The following TRPC7 variants were observed in gnomAD, a reference collection of about 807,000 sequenced individuals.
TRPC7 encodes the protein short transient receptor potential channel 7.
TRPC7 carries 42 observed loss-of-function variants against 90.1 expected under a neutral mutation model. The observed-to-expected ratio is 0.47, with a 90% CI of 0.36 to 0.60. TRPC7 has a LOEUF of 0.60. TRPC7 is among the 20% of genes least tolerant of loss of function. The pLI is 0.00. For missense variants in TRPC7, 955 were observed against 1,112.3 expected (o/e 0.86, Z 2.01); for synonymous variants, 451 against 436.3 (o/e 1.03, Z -0.42).
chr5:136,345,100 T>C (rs952748537), intron 2 of TRPC7, among the ~76,000 whole-genome samples: 1 of 152,154 alleles, frequency 6.6e-6, no homozygotes, highest in African/African-American at 2.4e-5. Flanking sequence ...ATACATTAAA[T>C]ATATCAAAAA....
At chr5:136,264,562 A>G (rs1464796461) in intron 5 of TRPC7, among the ~76,000 whole-genome samples, 2 of 151,368 alleles carry the variant, frequency 1.3e-5, no homozygotes, top group African/African-American at 4.9e-5. Context: ...GTACTAAATG[A>G]GCCTTTGGTC....
At chr5:136,290,009 G>A (rs182294251) in intron 3 of TRPC7, among the ~76,000 whole-genome samples, 13 of 152,308 alleles carry the variant, frequency 8.5e-5, no homozygotes, top group South Asian at 2.1e-4. Flanking sequence ...TGCAGCCACC[G>A]CTGCTGATAC....
chr5:136,362,574 T>C (rs896586328), intron 1 of TRPC7, among the ~76,000 whole-genome samples: 12 of 152,158 alleles, frequency 7.9e-5, no homozygotes, highest in Non-Finnish European at 1.8e-4. Flanking sequence ...GTTTAGGTGC[T>C]ATTGTCATTC....
intron 5 of TRPC7, among the ~76,000 whole-genome samples, chr5:136,257,081 G>C (rs112192340): frequency 6.6e-6 from 1 of 152,064 alleles, no homozygotes; most frequent in Non-Finnish European, 1.5e-5. Flanking sequence ...GAGCTGATCA[G>C]TTTTACTTGT....
In TRPC7 at chr5:136,226,162, C is replaced by A. The variant is rs1312855636; in HGVS notation, c.2134G>T (p.Val712Leu). Residue 712 changes from valine (V) to leucine (L), a missense_variant, in exon 9 of 12, where the codon GTG becomes TTG. Val to Leu is a conservative substitution (Grantham distance 32, BLOSUM62 1). Around this residue, in one of 4 missense-constraint regions of TRPC7, gnomAD observed 296 missense variants for 422.7 expected, o/e 0.70. Transcript: ENST00000513104. ...TAATAAAATGATTTAGGACTTGGCA[C>A]TAGATTAAAAGGAGCAGGTAGAGTT... ...GRTLPAPFNL[V>L]PSPKSFYYLI... The A allele has an allele frequency of 2.6e-6, 4 of 1,565,852 alleles. No homozygotes were observed. In the Middle Eastern group the frequency reaches 5.0e-4, roughly 195 times the overall value.
intron 7 of TRPC7, among the ~76,000 whole-genome samples, chr5:136,244,849 C>A (rs1174249857): frequency 6.6e-6 from 1 of 152,190 alleles, no homozygotes; most frequent in East Asian, 1.9e-4. Flanking sequence ...TGTGCTTGGC[C>A]TGTGCTGGTG....
chr5:136,310,614 A>G (rs1011666651), intron 3 of TRPC7, among the ~76,000 whole-genome samples: 7 of 152,160 alleles, frequency 4.6e-5, no homozygotes, highest in Non-Finnish European at 1.0e-4. Flanking sequence ...GATGGCTGGC[A>G]CCAAGAGCAG....
chr5:136,324,334 A>G (rs1376338649), intron 2 of TRPC7, among the ~76,000 whole-genome samples: 2 of 152,188 alleles, frequency 1.3e-5, no homozygotes, highest in East Asian at 3.9e-4. Flanking sequence ...TTGAAGATTG[A>G]TAAGTTTTTC....
Position 136,212,972 on chromosome 5 carries a change from C to T in TRPC7, c.*463G>A, listed in dbSNP as rs185858568. On this transcript the variant is annotated 3_prime_UTR_variant, in exon 12 of 12. Transcript: ENST00000513104. ...TCATCTGGCACTTAAGAATAGATCACAGGTCACCTCCTGGTTCTGTTTGGA... is the reference window on the plus strand; with the variant it reads ...TCATCTGGCACTTAAGAATAGATCATAGGTCACCTCCTGGTTCTGTTTGGA... Among the ~76,000 whole-genome samples, 33 of 152,244 alleles carry T rather than the reference C, an allele frequency of 2.2e-4. No individual in the cohort carries two copies. Among genetic ancestry groups the T allele is most frequent in the Admixed American group, 5.2e-4 (8 of 15,300 alleles).
intron 5 of TRPC7, among the ~76,000 whole-genome samples, chr5:136,262,023 C>T (rs768325934): frequency 1.3e-5 from 2 of 152,190 alleles, no homozygotes; most frequent in South Asian, 4.1e-4. Context: ...CTCTCTTTCT[C>T]TCACATCCCA....
intron 2 of TRPC7, among the ~76,000 whole-genome samples, chr5:136,338,980 G>T (rs1055839407): frequency 6.6e-6 from 1 of 152,024 alleles, no homozygotes; most frequent in Non-Finnish European, 1.5e-5. Context: ...TGAAAAATAC[G>T]TATCTGGGGT....
intron 4 of TRPC7, among the ~76,000 whole-genome samples, chr5:136,272,156 T>C (rs1015679984): frequency 1.3e-5 from 2 of 152,214 alleles, no homozygotes; most frequent in Admixed American, 6.5e-5. Flanking sequence ...GAAAGAGGTG[T>C]AATAATGTCA....
chr5:136,270,124 T>C lies in TRPC7; in HGVS notation c.1129-3688A>G, dbSNP rs187022349. Among the ~76,000 whole-genome samples the C allele has an allele frequency of 1.5e-3, 229 of 152,336 alleles. 1 individual carries two copies. The highest frequency in any genetic ancestry group is 5.3e-3 in the African/African-American group (222 of 41,574). On this transcript the variant is annotated intron_variant, in intron 4 of 11. Transcript: ENST00000513104. The stretch of plus-strand genomic sequence containing the variant: ...TTAGTCAGCAGCTAAGATGTTTATG[T>C]TAGGCGTTGAAGGTTGTAATGGTGC...
intron 3 of TRPC7, among the ~76,000 whole-genome samples, chr5:136,310,511 G>A (rs1261609264): frequency 3.3e-5 from 5 of 152,160 alleles, no homozygotes; most frequent in Non-Finnish European, 7.4e-5. Context: ...GCAGAGCCAG[G>A]AAAAGTCACC....
Position 136,356,794 on chromosome 5 carries a change from G to A in TRPC7, c.594C>T (p.Cys198=). ...GTTTCTCGGTGCACTCATTGCACTT[G>A]CAGAAGTAGTCGTGGGGCCGCTCGA... is the stretch of plus-strand genomic sequence containing the variant. ...ARIERPHDYF[C]KCNECTEKQR... is the part of the protein sequence containing the mutation. Residue 198 remains cysteine, a synonymous_variant, in exon 2 of 12, where the codon TGC becomes TGT. Coordinates refer to ENST00000513104, the MANE Select transcript of TRPC7 (RefSeq NM_020389.3). 1 of 1,612,660 alleles carries A rather than the reference G, an allele frequency of 6.2e-7. No homozygotes were observed. The highest frequency in any genetic ancestry group is 8.5e-7 in the Non-Finnish European group (1 of 1,179,090).
chr5:136,273,944 G>T (rs565002234), intron 4 of TRPC7, among the ~76,000 whole-genome samples: 2 of 152,160 alleles, frequency 1.3e-5, no homozygotes, highest in South Asian at 4.1e-4. Flanking sequence ...TGGTGGAGCC[G>T]CTAGTAGGGC....
chr5:136,315,968 G>T (rs1437302787), intron 2 of TRPC7, 189 bp from the exon 3 acceptor site: 1 of 600,578 alleles, frequency 1.7e-6, no homozygotes, highest in Admixed American at 3.0e-5. Flanking sequence ...CACGTGACCT[G>T]AAGGACATTT....
rs111883591 is a variant in TRPC7 at position 136,254,174 on chromosome 5, C to T, written c.1346-2292G>A. 8.0e-3 allele frequency among the ~76,000 whole-genome samples: 1,221 copies of T among 152,312 alleles called. 14 individuals carry two copies. The highest frequency in any genetic ancestry group is 0.021 in the African/African-American group (859 of 41,562). Reference sequence around the variant, plus strand: ...CAAGGTGAAGCACCAAGTGCTGATGCAGAAGCTGCAACAAGTTATCAGAAG... The same window carrying T: ...CAAGGTGAAGCACCAAGTGCTGATGTAGAAGCTGCAACAAGTTATCAGAAG... On this transcript the variant is annotated intron_variant, in intron 5 of 11. Coordinates refer to ENST00000513104, the MANE Select transcript of TRPC7 (RefSeq NM_020389.3).
chr5:136,279,742 T>A (rs1757484860), intron 3 of TRPC7, among the ~76,000 whole-genome samples: 1 of 152,224 alleles, frequency 6.6e-6, no homozygotes, highest in South Asian at 2.1e-4. Flanking sequence ...TTTTCTTGGA[T>A]TATTTTCAAC....
Sources: gnomAD v4.1 joint callset for allele counts (sites outside exome capture counted in the v4.1 genomes callset) on GRCh38, gnomAD v4.1.1 for gene constraint, gnomAD v4.1.1 regional missense constraint, MANE v1.5 for transcripts, NCBI Gene and HGNC (gene_info 2026-07-23, HGNC 2026-07-21) for gene names.